The following ARHGEF3 variants were observed in gnomAD, a reference collection of about 807,000 sequenced individuals.
The protein encoded by ARHGEF3 is 59.8 kDA protein.
ARHGEF3 carries 28 observed loss-of-function variants against 63.2 expected under a neutral mutation model. That is an observed-to-expected ratio of 0.44 (90% confidence interval 0.33 to 0.61). ARHGEF3 has a LOEUF of 0.61. ARHGEF3 is among the 20% of genes least tolerant of loss of function. The probability of loss-of-function intolerance (pLI) is 0.03; values close to 1 mark genes in which losing one functional copy is unlikely to be tolerated. For synonymous variants in ARHGEF3, 266 were observed against 254.2 expected, an observed-to-expected ratio of 1.05 and a Z score of -0.44; for missense variants, 533 against 659.3, an observed-to-expected ratio of 0.81 and a Z score of 2.10.
At chr3:56,970,273 A>T (rs1560096652) in intron 2 of ARHGEF3, among the ~76,000 whole-genome samples, 1 of 152,242 alleles carries the variant, frequency 6.6e-6, no homozygotes, top group Non-Finnish European at 1.5e-5. Context: ...AGGGTGAAAT[A>T]AAAATATTTT....
exon 2 of ARHGEF3, chr3:57,035,142 C>T: frequency 1.9e-6 from 3 of 1,547,992 alleles, no homozygotes; most frequent in African/African-American, 1.4e-5. Flanking sequence ...TGCTGTGGAA[C>T]TGTCCATAGA....
At chr3:56,787,322 C>T (rs936452179) in intron 1 of ARHGEF3, among the ~76,000 whole-genome samples, 1 of 152,100 alleles carries the variant, frequency 6.6e-6, no homozygotes, top group African/African-American at 2.4e-5. Context: ...TGCAAAGCTT[C>T]GATCAATTGC....
intron 2 of ARHGEF3, among the ~76,000 whole-genome samples, chr3:57,009,791 G>A (rs942715173): frequency 8.6e-5 from 13 of 152,038 alleles, no homozygotes; most frequent in Non-Finnish European, 1.5e-5. Context: ...TCTCAAACCA[G>A]CCCATCTCAT....
chr3:56,780,493 A>G (rs1476459137), intron 1 of ARHGEF3, among the ~76,000 whole-genome samples: 1 of 152,232 alleles, frequency 6.6e-6, no homozygotes, highest in African/African-American at 2.4e-5. Flanking sequence ...GGGCAATACT[A>G]TTAACTAAAC....
Position 56,727,517 on chromosome 3 carries a change from C to G in ARHGEF3, c.*1753G>C, listed in dbSNP as rs2032811565. 1 of 152,610 alleles carries G rather than the reference C, an allele frequency of 6.6e-6. No individual in the cohort carries two copies. Among genetic ancestry groups the G allele is most frequent in the African/African-American group, 2.4e-5 (1 of 41,454 alleles). The allele number at this position is 152,610 out of a possible 1,614,324, so 9.5% of individuals were successfully genotyped here. On this transcript the variant is annotated 3_prime_UTR_variant, in exon 10 of 10. Coordinates refer to ENST00000296315, the MANE Select transcript of ARHGEF3 (RefSeq NM_019555.3). ...ATCAAAACATTCATTGACCACCTTC[C>G]CATAGGCCAACACTTGACAAACCTC... is the stretch of plus-strand genomic sequence containing the variant.
chr3:56,765,328 G>C (rs1431951012), intron 2 of ARHGEF3, among the ~76,000 whole-genome samples: 1 of 152,068 alleles, frequency 6.6e-6, no homozygotes, highest in African/African-American at 2.4e-5. Context: ...GGCTTTACTG[G>C]CCCAACCAGA....
At chr3:57,033,091 A>G (rs1703798066) in intron 2 of ARHGEF3, among the ~76,000 whole-genome samples, 1 of 152,226 alleles carries the variant, frequency 6.6e-6, no homozygotes, top group African/African-American at 2.4e-5. Flanking sequence ...GACTAGCAAA[A>G]TTAAAAAGCT....
At chr3:56,954,539 C>T (rs1699957048) in intron 3 of ARHGEF3, among the ~76,000 whole-genome samples, 1 of 152,184 alleles carries the variant, frequency 6.6e-6, no homozygotes. Context: ...TCCATGTCCA[C>T]TCCACCCTAA....
At chr3:57,012,806 A>G (rs9838645) in intron 2 of ARHGEF3, among the ~76,000 whole-genome samples, 52,353 of 152,056 alleles carry the variant, frequency 0.34, 9,678 homozygotes, top group African/African-American at 0.47. Flanking sequence ...CCTTCAGCCC[A>G]CCGCTGCACT....
intron 2 of ARHGEF3, among the ~76,000 whole-genome samples, chr3:56,761,629 C>T (rs2035426792): frequency 6.6e-6 from 1 of 152,058 alleles, no homozygotes; most frequent in Non-Finnish European, 1.5e-5. Context: ...AAATGTTATG[C>T]TTGCTATGTG....
chr3:56,986,984 G>A (rs2106930451), intron 2 of ARHGEF3, among the ~76,000 whole-genome samples: 1 of 152,232 alleles, frequency 6.6e-6, no homozygotes. Flanking sequence ...GGCCATGATG[G>A]GAGGATCACA....
intron 3 of ARHGEF3, among the ~76,000 whole-genome samples, chr3:56,921,220 G>A (rs1333182491): frequency 1.5e-4 from 22 of 144,122 alleles, no homozygotes; most frequent in East Asian, 2.0e-4. Flanking sequence ...AAAAAAAAAA[G>A]ACCAAAAAAA....
rs376179856 is a variant in ARHGEF3 at position 56,885,404 on chromosome 3, T to C, written c.130-3050A>G. Among the ~76,000 whole-genome samples, 143 of 152,258 alleles carry C rather than the reference T, an allele frequency of 9.4e-4. 2 individuals are homozygous for C. The South Asian group carries it at 0.026, about 27-fold the overall frequency. On this transcript the variant is annotated intron_variant, in intron 3 of 12. Coordinates refer to the ARHGEF3 transcript ENST00000338458. ...AGTAAGTGGCAGCTCCTGTTATGAA[T>C]TGCCCAGACCATAGGCTACACCGAT...
chr3:56,961,691 C>T (rs924993308), intron 2 of ARHGEF3, among the ~76,000 whole-genome samples: 3 of 152,094 alleles, frequency 2.0e-5, no homozygotes, highest in Non-Finnish European at 2.9e-5. Flanking sequence ...TAGCTCCCAC[C>T]TTCCTCTCAT....
intron 3 of ARHGEF3, among the ~76,000 whole-genome samples, chr3:56,890,981 C>T (rs2108281380): frequency 6.6e-6 from 1 of 152,218 alleles, no homozygotes; most frequent in South Asian, 2.1e-4. Flanking sequence ...GCTTTGATGC[C>T]TTGCCTTTCA....
chr3:56,815,702 G>C (rs553303269), intron 4 of ARHGEF3, among the ~76,000 whole-genome samples: 85 of 152,276 alleles, frequency 5.6e-4, no homozygotes, highest in South Asian at 1.7e-3. Flanking sequence ...ATAGGTACTC[G>C]GTTACATAGT....
At chr3:56,763,542 A>C (rs2035539811) in intron 2 of ARHGEF3, among the ~76,000 whole-genome samples, 1 of 152,202 alleles carries the variant, frequency 6.6e-6, no homozygotes, top group South Asian at 2.1e-4. Context: ...GGAACCTTAA[A>C]CAGTTGTTAA....
intron 1 of ARHGEF3, among the ~76,000 whole-genome samples, chr3:57,053,710 T>C (rs1704777957): frequency 6.6e-6 from 1 of 152,228 alleles, no homozygotes; most frequent in African/African-American, 2.4e-5. Flanking sequence ...TCTAGTGGCA[T>C]GGATTCATTT....
chr3:56,839,926 G>A lies in ARHGEF3; in HGVS notation c.192+42366C>T, dbSNP rs546518351. ...AATCCCGAAGGCTCCTGGTGCTCTC[G>A]AGCCCGGACACGTTTCATCTGACAG... On this transcript the variant is annotated intron_variant, in intron 4 of 12. Transcript: ENST00000338458. Among the ~76,000 whole-genome samples, 28 of 152,178 alleles carry A rather than the reference G, an allele frequency of 1.8e-4. No homozygotes were observed. In the South Asian group the frequency reaches 5.2e-3, roughly 28 times the overall value.
Sources: allele counts gnomAD v4.1 joint callset (sites outside exome capture counted in the v4.1 genomes callset), GRCh38; gene constraint gnomAD v4.1.1; transcripts MANE v1.5; gene names NCBI Gene and HGNC (gene_info 2026-07-23, HGNC 2026-07-21).